Variants in VWC2L observed in about 807,000 individuals in gnomAD.
The protein encoded by VWC2L is von Willebrand factor C domain-containing protein 2-like.
A neutral mutation model predicts 21.6 loss-of-function variants in VWC2L; 10 were observed. The observed-to-expected ratio is 0.46, with a 90% CI of 0.29 to 0.78. The LOEUF is 0.78. Ranked by LOEUF, VWC2L falls within the 30% of genes least tolerant of loss-of-function variation. The pLI, the probability that VWC2L is intolerant of heterozygous loss-of-function variation, is 0.10. For synonymous variants in VWC2L, 96 were observed against 94.3 expected, an observed-to-expected ratio of 1.02 and a Z score of -0.10; for missense variants, 209 against 277.1, an observed-to-expected ratio of 0.75 and a Z score of 1.74.
rs1244869097 is a variant in VWC2L, at chr2:214,476,135, A to G, written c.520+39377A>G. Reference sequence around the variant, plus strand: ...TCCTTTCTCTCTTTGATTGTGTGATAATAATTTTCACACTCACAGGAAGTA... The same window carrying G: ...TCCTTTCTCTCTTTGATTGTGTGATGATAATTTTCACACTCACAGGAAGTA... On this transcript the variant is annotated intron_variant, in intron 3 of 3. Coordinates refer to ENST00000312504, the MANE Select transcript of VWC2L (RefSeq NM_001080500.4). 1.3e-5 allele frequency among the ~76,000 whole-genome samples: 2 copies of G among 152,198 alleles called. 1 individual carries two copies. Among genetic ancestry groups the G allele is most frequent in the Non-Finnish European group, 2.9e-5 (2 of 68,042 alleles).
intron 1 of VWC2L, among the ~76,000 whole-genome samples, chr2:214,413,622 T>C (rs539120022): frequency 1.3e-5 from 2 of 152,314 alleles, no homozygotes; most frequent in African/African-American, 4.8e-5. Context: ...CCTTCCTAAA[T>C]ATAATTTATA....
intron 3 of VWC2L, among the ~76,000 whole-genome samples, chr2:214,471,420 A>C (rs1559300804): frequency 6.6e-6 from 1 of 152,230 alleles, no homozygotes; most frequent in Non-Finnish European, 1.5e-5. Context: ...AGTAGGTTGA[A>C]TGAGATTAAA....
At chr2:214,520,376 T>A (rs978011645) in intron 3 of VWC2L, among the ~76,000 whole-genome samples, 11 of 152,194 alleles carry the variant, frequency 7.2e-5, no homozygotes, top group Non-Finnish European at 1.0e-4. Context: ...ATTCCATTTT[T>A]TTTTAATGTA....
chr2:214,571,753 T>C (rs924930893), intron 3 of VWC2L, among the ~76,000 whole-genome samples: 1 of 152,182 alleles, frequency 6.6e-6, no homozygotes, highest in African/African-American at 2.4e-5. Context: ...ATTCACATTC[T>C]TTCATTCATA....
At chr2:214,530,827 AG>A (rs1398732595) in intron 3 of VWC2L, among the ~76,000 whole-genome samples, 2 of 152,204 alleles carry the variant, frequency 1.3e-5, no homozygotes, top group Non-Finnish European at 2.9e-5. Flanking sequence ...AACAACATTA[AG>A]CTGGTAGCCA....
chr2:214,447,608 A>C (rs1702857749), intron 3 of VWC2L, among the ~76,000 whole-genome samples: 1 of 152,082 alleles, frequency 6.6e-6, no homozygotes, highest in South Asian at 2.1e-4. Context: ...AGGCTGACAA[A>C]AATAAAAACA....
intron 3 of VWC2L, among the ~76,000 whole-genome samples, chr2:214,488,466 G>A (rs1294540206): frequency 2.0e-5 from 3 of 152,140 alleles, no homozygotes; most frequent in Non-Finnish European, 4.4e-5. Context: ...AGCCGTAGTG[G>A]TGTACACATG....
At chr2:214,574,239 C>T (rs1690195177) in intron 3 of VWC2L, among the ~76,000 whole-genome samples, 1 of 152,168 alleles carries the variant, frequency 6.6e-6, no homozygotes, top group African/African-American at 2.4e-5. Flanking sequence ...CCTTATTTCC[C>T]TCCTGCTCTG....
At chr2:214,511,953 C>CACACACA in intron 3 of VWC2L, among the ~76,000 whole-genome samples, 1 of 142,288 alleles carries the variant, frequency 7.0e-6, no homozygotes, top group African/African-American at 2.6e-5. Flanking sequence ...CACACACACA[C>CACACACA]CTGGTCATGA....
At chr2:214,507,692 G>C (rs1240331107) in intron 3 of VWC2L, among the ~76,000 whole-genome samples, 1 of 152,120 alleles carries the variant, frequency 6.6e-6, no homozygotes, top group Non-Finnish European at 1.5e-5. Flanking sequence ...AAGAACATTT[G>C]CTCTTAAACT....
intron 2 of VWC2L, among the ~76,000 whole-genome samples, chr2:214,427,899 C>T (rs1280192971): frequency 6.6e-6 from 1 of 152,010 alleles, no homozygotes; most frequent in Admixed American, 6.6e-5. Context: ...GTACAGAAAA[C>T]CATCCATTTC....
intron 3 of VWC2L, among the ~76,000 whole-genome samples, chr2:214,442,981 C>A (rs1459298106): frequency 6.6e-6 from 1 of 152,056 alleles, no homozygotes; most frequent in Non-Finnish European, 1.5e-5. Context: ...GTGAATATTT[C>A]TGCAACAAAA....
chr2:214,469,338 G>A (rs1054579020), intron 3 of VWC2L, among the ~76,000 whole-genome samples: 2 of 152,158 alleles, frequency 1.3e-5, no homozygotes, highest in Admixed American at 6.5e-5. Flanking sequence ...AGTGGCTCAC[G>A]CCTGTAATCC....
chr2:214,414,577 A>C lies in VWC2L; in HGVS notation c.384A>C (p.Glu128Asp). 6.2e-7 allele frequency: 1 copy of C among 1,612,890 alleles called. No individual in the cohort carries two copies. The highest frequency in any genetic ancestry group is 8.5e-7 in the Non-Finnish European group (1 of 1,179,506). The change falls in exon 2 of 4, where the codon GAA becomes GAC. Residue 128 changes from glutamate to aspartate, a missense_variant. Physicochemically the swap from Glu to Asp is conservative, Grantham distance 45 (BLOSUM62 2). Coordinates refer to ENST00000312504, the MANE Select transcript of VWC2L (RefSeq NM_001080500.4). ...GGAAAAATTACAAAATCTTGGAGGA[A>C]TTTAAGGTATGCGTTACCCTCCATA... ...YHGKNYKILE[E>D]FKPSPCEWCR...
At chr2:214,562,673 A>G (rs952500891) in intron 3 of VWC2L, among the ~76,000 whole-genome samples, 4 of 152,236 alleles carry the variant, frequency 2.6e-5, no homozygotes, top group Non-Finnish European at 5.9e-5. Context: ...AATAATTGCC[A>G]TTCTGACTGG....
rs76650795 is a variant in VWC2L, at chr2:214,490,826, G to A, written c.520+54068G>A. On this transcript the variant is annotated intron_variant, in intron 3 of 3. Coordinates refer to ENST00000312504, the MANE Select transcript of VWC2L (RefSeq NM_001080500.4). ...ATAGAAGTTAAACAGAGAAAAAGAA[G>A]GTAAGGAATTGGTGTCAATGTGACT... Among the ~76,000 whole-genome samples the A allele has an allele frequency of 9.0e-3, 1,374 of 152,256 alleles. 23 individuals carry two copies. Among genetic ancestry groups the A allele is most frequent in the African/African-American group, 0.031 (1,296 of 41,544 alleles).
chr2:214,482,552 CAT>C (rs56972597), intron 3 of VWC2L, among the ~76,000 whole-genome samples: 2,072 of 144,634 alleles, frequency 0.014, 47 homozygotes, highest in African/African-American at 0.05. Flanking sequence ...CACACACACA[CAT>C]ATATATATAT....
At chr2:214,431,679 AT>A (rs1702603149) in intron 2 of VWC2L, among the ~76,000 whole-genome samples, 1 of 152,240 alleles carries the variant, frequency 6.6e-6, no homozygotes, top group Admixed American at 6.5e-5. Context: ...GGAAATGGAC[AT>A]GTTTAAAATC....
chr2:214,515,726 T>C (rs1689131553), intron 3 of VWC2L, among the ~76,000 whole-genome samples: 1 of 152,060 alleles, frequency 6.6e-6, no homozygotes, highest in Non-Finnish European at 1.5e-5. Flanking sequence ...GCTAATTTTT[T>C]GTATTTTCAG....
Sources: gnomAD v4.1 joint callset for allele counts (sites outside exome capture counted in the v4.1 genomes callset) on GRCh38, gnomAD v4.1.1 for gene constraint, MANE v1.5 for transcripts, NCBI Gene and HGNC (gene_info 2026-07-23, HGNC 2026-07-21) for gene names.